DEUP1: variants seen among roughly 807,000 people sequenced by gnomAD.
The protein encoded by DEUP1 is deuterosome assembly protein 1, also known as coiled-coil domain containing 67.
In DEUP1, 82 loss-of-function variants were observed where a neutral mutation model predicts 87.4. That is an observed-to-expected ratio of 0.94 (90% CI 0.78 to 1.13). The LOEUF is 1.13. Among genes scored for constraint, DEUP1 ranks in the 50% most tolerant of loss-of-function variants. The pLI, the probability that DEUP1 is intolerant of heterozygous loss-of-function variation, is 0.00. For synonymous variants in DEUP1, 214 were observed against 222.7 expected (o/e 0.96, Z 0.35); for missense variants, 663 against 681.5 (o/e 0.97, Z 0.30).
intron 11 of DEUP1, among the ~76,000 whole-genome samples, chr11:93,405,762 C>G (rs1292500214): frequency 6.6e-6 from 1 of 151,728 alleles, no homozygotes; most frequent in East Asian, 1.9e-4. Flanking sequence ...TTTTACAAAA[C>G]TTAGGATGAT....
Position 93,373,625 on chromosome 11 carries a change from G to GTGTATATA in DEUP1, c.789+2346_789+2347insGTATATAT, listed in dbSNP as rs796309948. On this transcript the variant is annotated intron_variant, in intron 7 of 13. Transcript: ENST00000298050. Reference sequence around the variant, plus strand: ...TATATTTATATATGTATATATATACGTATATATATATATATATATATATAT... The same window carrying GTGTATATA: ...TATATTTATATATGTATATATATACGTGTATATATATATATATATATATATATATATAT... Among the ~76,000 whole-genome samples the GTGTATATA allele has an allele frequency of 6.9e-3, 465 of 66,978 alleles. 5 individuals carry two copies. The highest frequency in any genetic ancestry group is 0.017 in the African/African-American group (424 of 24,596). The allele number at this position is 66,978 out of a possible 152,430, so 43.9% of individuals were successfully genotyped here. A position where few individuals can be genotyped will look rare whatever the true frequency, so the allele number is the denominator to read the frequency against.
chr11:93,332,141 G>A lies in DEUP1; in HGVS notation c.-44-75G>A, dbSNP rs569504428. ...AACTCATACTAAATGGTTTTTGCCA[G>A]TAGCAAAATTTTCATGTTTTATAGG... On this transcript the variant is annotated intron_variant, in intron 1 of 13. Coordinates refer to ENST00000298050, the MANE Select transcript of DEUP1 (RefSeq NM_181645.4). The A allele has an allele frequency of 2.3e-4, 211 of 931,278 alleles. 1 individual carries two copies. The East Asian group carries it at 2.8e-3, about 12-fold the overall frequency. 57.7% of individuals were successfully genotyped at this position (931,278 alleles called of 1,614,324 possible).
At chr11:93,416,055 T>C (rs1013011083) in intron 13 of DEUP1, among the ~76,000 whole-genome samples, 1 of 152,180 alleles carries the variant, frequency 6.6e-6, no homozygotes, top group African/African-American at 2.4e-5. Context: ...TATGGTCAGC[T>C]TTAGTAGGTA....
rs544100675 is a variant in DEUP1 at position 93,395,745 on chromosome 11, A to C, written c.1240-494A>C. Reference sequence around the variant, plus strand: ...TATCCAAGTCCTGTCAAGTAGAATAAATCAGGGAAAGATAAAATAAATTGA... The same window carrying C: ...TATCCAAGTCCTGTCAAGTAGAATACATCAGGGAAAGATAAAATAAATTGA... On this transcript the variant is annotated intron_variant, in intron 10 of 13. Transcript: ENST00000298050. Among the ~76,000 whole-genome samples the C allele has an allele frequency of 3.9e-5, 6 of 152,318 alleles. No homozygotes were observed. In the South Asian group the frequency reaches 8.3e-4, roughly 21 times the overall value.
intron 13 of DEUP1, among the ~76,000 whole-genome samples, chr11:93,416,922 C>A (rs1461458252): frequency 6.6e-6 from 1 of 152,112 alleles, no homozygotes; most frequent in African/African-American, 2.4e-5. Context: ...GGACCAAAGA[C>A]AAAAACCACA....
intron 5 of DEUP1, 21 bp from the exon 6 acceptor site, chr11:93,370,052 T>G: frequency 8.1e-7 from 1 of 1,242,062 alleles, no homozygotes; most frequent in Non-Finnish European, 1.2e-6. Context: ...TAAATATGTT[T>G]GTCTCCCCAC....
chr11:93,365,351 A>G (rs1945362868), intron 5 of DEUP1, among the ~76,000 whole-genome samples: 1 of 152,062 alleles, frequency 6.6e-6, no homozygotes, highest in East Asian at 1.9e-4. Context: ...ACTTACCATC[A>G]CTAAGTAAGT....
At chr11:93,374,920 G>A (rs924633965) in intron 7 of DEUP1, among the ~76,000 whole-genome samples, 1 of 151,336 alleles carries the variant, frequency 6.6e-6, no homozygotes, top group Non-Finnish European at 1.5e-5. Context: ...CATGGGATGT[G>A]TTTCCATTTG....
At chr11:93,361,047 C>G (rs1351672686) in intron 4 of DEUP1, among the ~76,000 whole-genome samples, 1 of 151,886 alleles carries the variant, frequency 6.6e-6, no homozygotes, top group Non-Finnish European at 1.5e-5. Flanking sequence ...ATCTTGGAAG[C>G]AGCAAGAGAG....
At chr11:93,362,410 G>GAT (rs1945217940) in intron 4 of DEUP1, among the ~76,000 whole-genome samples, 1 of 151,790 alleles carries the variant, frequency 6.6e-6, no homozygotes, top group African/African-American at 2.4e-5. Flanking sequence ...TATTTGAATA[G>GAT]ATATTTCTCC....
chr11:93,336,581 A>G (rs888458380), intron 2 of DEUP1, among the ~76,000 whole-genome samples: 1 of 151,286 alleles, frequency 6.6e-6, no homozygotes, highest in Non-Finnish European at 1.5e-5. Context: ...GAAAAGGATG[A>G]GGGGGCTGAA....
chr11:93,358,459 C>G (rs1225321643), intron 4 of DEUP1, among the ~76,000 whole-genome samples: 3 of 152,158 alleles, frequency 2.0e-5, no homozygotes, highest in Admixed American at 6.5e-5. Flanking sequence ...TCCTCCCCTC[C>G]TGGAGATTAA....
At chr11:93,340,925 G>A (rs1353387479) in intron 2 of DEUP1, among the ~76,000 whole-genome samples, 1 of 152,192 alleles carries the variant, frequency 6.6e-6, no homozygotes, top group Non-Finnish European at 1.5e-5. Flanking sequence ...ATGTACACCT[G>A]TATATAGCTG....
intron 9 of DEUP1, 84 bp from the exon 10 acceptor site, chr11:93,394,375 A>C (rs1946869594): frequency 3.1e-6 from 3 of 980,746 alleles, no homozygotes; most frequent in East Asian, 5.4e-5. Context: ...TTCAGAATAG[A>C]AGGACTGAAC....
At chr11:93,415,480 C>A (rs1036715788) in intron 13 of DEUP1, among the ~76,000 whole-genome samples, 15 of 151,964 alleles carry the variant, frequency 9.9e-5, no homozygotes, top group South Asian at 2.1e-4. Context: ...TTTAAAACAT[C>A]TTTTCTATTG....
chr11:93,417,399 G>A (rs556270202), intron 13 of DEUP1, among the ~76,000 whole-genome samples: 253 of 150,650 alleles, frequency 1.7e-3, no homozygotes, highest in Non-Finnish European at 2.9e-3. Context: ...GACAAACAGA[G>A]AGCCAAATCA....
At chr11:93,391,772 C>T (rs1156298698) in intron 9 of DEUP1, among the ~76,000 whole-genome samples, 4 of 150,856 alleles carry the variant, frequency 2.7e-5, no homozygotes, top group East Asian at 1.9e-4. Flanking sequence ...CAAAGGGATG[C>T]GATCAGCAAA....
At chr11:93,408,185 C>G (rs1398902593) in intron 11 of DEUP1, 46 bp from the exon 12 acceptor site, 1 of 1,327,818 alleles carries the variant, frequency 7.5e-7, no homozygotes, top group African/African-American at 1.5e-5. Context: ...ATATGCATTA[C>G]TTATAAGGGG....
At chr11:93,373,714 A>G (rs1469581134) in intron 7 of DEUP1, among the ~76,000 whole-genome samples, 1 of 150,340 alleles carries the variant, frequency 6.7e-6, no homozygotes, top group Non-Finnish European at 1.5e-5. Context: ...GGCTGGTTCT[A>G]TATTTTTGCA....
Sources: gnomAD v4.1 joint callset for allele counts (sites outside exome capture counted in the v4.1 genomes callset) on GRCh38, gnomAD v4.1.1 for gene constraint, MANE v1.5 for transcripts, NCBI Gene and HGNC (gene_info 2026-07-23, HGNC 2026-07-21) for gene names.